The following TENM4 variants were observed in gnomAD, a reference collection of about 807,000 sequenced individuals.
TENM4 encodes teneurin-4.
A neutral mutation model predicts 243.3 loss-of-function variants in TENM4; 82 were observed. The observed-to-expected ratio is 0.34, with a 90% CI of 0.28 to 0.40. The LOEUF (loss-of-function observed/expected upper bound fraction) is 0.40, where lower values mean the gene tolerates loss of function less well. Among genes scored for constraint, TENM4 ranks in the 10% least tolerant of loss-of-function variants. The probability of loss-of-function intolerance (pLI) is 1.00; values close to 1 mark genes in which losing one functional copy is unlikely to be tolerated. For synonymous variants in TENM4, 1,412 were observed against 1,456.3 expected (o/e 0.97, Z 0.69); for missense variants, 3,138 against 3,673.3 (o/e 0.85, Z 3.77).
intron 4 of TENM4, among the ~76,000 whole-genome samples, chr11:79,130,829 G>GA (rs995278854): frequency 6.6e-6 from 1 of 151,740 alleles, no homozygotes; most frequent in Non-Finnish European, 1.5e-5. Flanking sequence ...TCTCAGAAAA[G>GA]AAAAAACAAT....
intron 6 of TENM4, among the ~76,000 whole-genome samples, chr11:78,958,243 C>T (rs1857248270): frequency 6.6e-6 from 1 of 152,236 alleles, no homozygotes; most frequent in African/African-American, 2.4e-5. Context: ...TGACACATCT[C>T]TCAGAGCTAT....
chr11:79,439,537 G>A (rs957130548), intron 1 of TENM4, among the ~76,000 whole-genome samples: 5 of 152,128 alleles, frequency 3.3e-5, no homozygotes, highest in African/African-American at 1.2e-4. Flanking sequence ...GCGGGGGCAG[G>A]CAGAGAAGGG....
intron 6 of TENM4, among the ~76,000 whole-genome samples, chr11:79,004,939 ACC>A (rs1161656232): frequency 5.9e-5 from 5 of 84,496 alleles, no homozygotes; most frequent in African/African-American, 1.9e-4. Context: ...CCATAGAAAT[ACC>A]AAAAAAAAAA....
intron 2 of TENM4, among the ~76,000 whole-genome samples, chr11:79,242,926 C>T (rs142498225): frequency 6.6e-6 from 1 of 152,270 alleles, no homozygotes; most frequent in Non-Finnish European, 1.5e-5. Flanking sequence ...TCCATGCAGG[C>T]CTTGATCTGA....
intron 4 of TENM4, among the ~76,000 whole-genome samples, chr11:79,124,268 T>C (rs1437522085): frequency 6.6e-6 from 1 of 152,150 alleles, no homozygotes; most frequent in Non-Finnish European, 1.5e-5. Flanking sequence ...TTCCTGGGTG[T>C]GTGTGTGAGG....
intron 4 of TENM4, among the ~76,000 whole-genome samples, chr11:79,070,290 C>T (rs1177149759): frequency 6.8e-6 from 1 of 147,948 alleles, no homozygotes; most frequent in African/African-American, 2.5e-5. Flanking sequence ...GGCCAAAGGG[C>T]ACTGGTGGTT....
chr11:78,662,581 T>G (rs879634746), intron 32 of TENM4, among the ~76,000 whole-genome samples: 1 of 152,162 alleles, frequency 6.6e-6, no homozygotes, highest in African/African-American at 2.4e-5. Flanking sequence ...GGTTACTAAT[T>G]ATAAAATATT....
At chr11:78,799,078 G>C (rs924002101) in intron 15 of TENM4, among the ~76,000 whole-genome samples, 3 of 152,176 alleles carry the variant, frequency 2.0e-5, no homozygotes, top group Non-Finnish European at 4.4e-5. Flanking sequence ...AGCAGGTCTG[G>C]AGCTACTGTG....
intron 15 of TENM4, among the ~76,000 whole-genome samples, chr11:78,789,927 T>C (rs2136046213): frequency 6.6e-6 from 1 of 152,252 alleles, no homozygotes; most frequent in South Asian, 2.1e-4. Context: ...ACCTACTCAA[T>C]AGCTGTAAGC....
At chr11:79,012,440 C>T (rs1858669950) in intron 6 of TENM4, among the ~76,000 whole-genome samples, 1 of 152,130 alleles carries the variant, frequency 6.6e-6, no homozygotes, top group Non-Finnish European at 1.5e-5. Flanking sequence ...ATGTGCCAGG[C>T]AGTTCCCTCA....
At chr11:78,906,955 G>A (rs192721050) in intron 6 of TENM4, among the ~76,000 whole-genome samples, 6 of 152,276 alleles carry the variant, frequency 3.9e-5, no homozygotes, top group Non-Finnish European at 7.4e-5. Context: ...CAATTTGTGT[G>A]CAAAAAATCA....
intron 17 of TENM4, among the ~76,000 whole-genome samples, chr11:78,771,880 G>C (rs990121866): frequency 1.9e-4 from 29 of 152,156 alleles, no homozygotes; most frequent in Admixed American, 3.9e-4. Context: ...ACGCTCATAT[G>C]CACATCTGCC....
chr11:79,000,402 A>C (rs1420497712), intron 6 of TENM4, among the ~76,000 whole-genome samples: 1 of 152,146 alleles, frequency 6.6e-6, no homozygotes, highest in Non-Finnish European at 1.5e-5. Flanking sequence ...AAAAAATATA[A>C]GATTGAGTGA....
At chr11:78,704,157 G>GCCTATA (rs1555067640) in intron 27 of TENM4, among the ~76,000 whole-genome samples, 9 of 70,516 alleles carry the variant, frequency 1.3e-4, no homozygotes, top group African/African-American at 5.4e-4. Context: ...ATGTATGTGT[G>GCCTATA]TCTATATATA....
intron 4 of TENM4, among the ~76,000 whole-genome samples, chr11:79,086,186 A>G (rs11607742): frequency 0.33 from 33,058 of 99,452 alleles, 3,724 homozygotes; most frequent in East Asian, 0.51. Flanking sequence ...AATCAGAGGC[A>G]TGAAAAACAC....
intron 14 of TENM4, among the ~76,000 whole-genome samples, chr11:78,807,963 T>C (rs1159407480): frequency 2.6e-5 from 4 of 152,226 alleles, no homozygotes; most frequent in Admixed American, 2.0e-4. Context: ...ACATGATGAT[T>C]TGAAAGGACC....
intron 6 of TENM4, among the ~76,000 whole-genome samples, chr11:79,023,280 C>A (rs1418055267): frequency 2.6e-5 from 4 of 152,072 alleles, no homozygotes. Context: ...GGTTTATCAG[C>A]CTGGCGTGGT....
intron 7 of TENM4, among the ~76,000 whole-genome samples, chr11:78,899,456 T>C (rs1015641590): frequency 3.3e-5 from 5 of 149,608 alleles, no homozygotes; most frequent in Non-Finnish European, 7.4e-5. Context: ...CACATGCCTG[T>C]AGTCCCAGCT....
intron 19 of TENM4, among the ~76,000 whole-genome samples, chr11:78,740,570 G>A (rs556386179): frequency 5.9e-5 from 9 of 152,204 alleles, no homozygotes; most frequent in Non-Finnish European, 1.3e-4. Flanking sequence ...TTATTCCACC[G>A]ATTGTATTCA....
Sources: allele counts gnomAD v4.1 joint callset (sites outside exome capture counted in the v4.1 genomes callset), GRCh38; gene constraint gnomAD v4.1.1; transcripts MANE v1.5; gene names NCBI Gene and HGNC (gene_info 2026-07-23, HGNC 2026-07-21).